The following SMIM31 variants were observed in gnomAD, a reference collection of about 807,000 sequenced individuals.
SMIM31 encodes the protein human epithelial cell program regulator.
At chr4:164,798,745 TC>T (rs1560833747) in intron 2 of SMIM31, among the ~76,000 whole-genome samples, 1 of 151,676 alleles carries the variant, frequency 6.6e-6, no homozygotes, top group Non-Finnish European at 1.5e-5. Context: ...TTGGATGTTG[TC>T]CCCTCTAAAT....
intron 2 of SMIM31, among the ~76,000 whole-genome samples, chr4:164,780,334 G>A (rs1477805664): frequency 6.6e-6 from 1 of 152,206 alleles, no homozygotes; most frequent in Non-Finnish European, 1.5e-5. Context: ...GGCTGAGGCA[G>A]GAGAACTGCT....
chr4:164,780,296 G>A (rs1199433357), intron 2 of SMIM31, among the ~76,000 whole-genome samples: 2 of 152,120 alleles, frequency 1.3e-5, no homozygotes, highest in East Asian at 1.9e-4. Flanking sequence ...GCGTGGTGGC[G>A]CATGCCTGTA....
At chr4:164,794,252 G>A (rs1733146108) in intron 2 of SMIM31, among the ~76,000 whole-genome samples, 1 of 152,064 alleles carries the variant, frequency 6.6e-6, no homozygotes, top group Admixed American at 6.6e-5. Flanking sequence ...AGTGGTGCAC[G>A]CCTGTAGTTC....
At chr4:164,765,624 G>GAAA (rs200574845) in intron 1 of SMIM31, among the ~76,000 whole-genome samples, 1,192 of 94,482 alleles carry the variant, frequency 0.013, 6 homozygotes, top group Middle Eastern at 0.026. Context: ...CTTTGTCTCA[G>GAAA]AAAAAAAAAA....
At chr4:164,776,325 T>C (rs1045032566) in intron 2 of SMIM31, among the ~76,000 whole-genome samples, 3 of 152,190 alleles carry the variant, frequency 2.0e-5, no homozygotes, top group Non-Finnish European at 4.4e-5. Context: ...AATAATGAAC[T>C]AGAGTTCCAT....
chr4:164,800,417 G>A (rs775641940), intron 2 of SMIM31, among the ~76,000 whole-genome samples: 4 of 151,924 alleles, frequency 2.6e-5, no homozygotes, highest in Non-Finnish European at 4.4e-5. Context: ...CCTGTTGGCC[G>A]GGCTGGTTTT....
At chr4:164,781,666 G>A (rs146255166) in intron 2 of SMIM31, among the ~76,000 whole-genome samples, 21 of 152,224 alleles carry the variant, frequency 1.4e-4, no homozygotes, top group African/African-American at 5.1e-4. Flanking sequence ...CCACCTCGTT[G>A]TGGCAACCGA....
chr4:164,766,758 A>C (rs527343358), intron 1 of SMIM31, among the ~76,000 whole-genome samples: 3 of 151,774 alleles, frequency 2.0e-5, no homozygotes, highest in African/African-American at 7.3e-5. Flanking sequence ...AGATCGTGCC[A>C]CTGCACTCCA....
chr4:164,770,454 C>G lies in SMIM31; in HGVS notation c.11C>G (p.Pro4Arg). The change falls in exon 2 of 3, where the codon CCC (proline) becomes CGC (arginine). Residue 4 changes from proline (P) to arginine (R), a missense_variant. Physicochemically the swap from Pro to Arg is moderately radical, Grantham distance 103. Transcript: ENST00000507311. ...TTTCGGTGGTGGTTCATGGAGCTTC[C>G]CTACACCAACTTGGAAATGGCATTC... MEL[P>R]YTNLEMAFIL... 1 of 398,910 alleles carries G rather than the reference C, an allele frequency of 2.5e-6. No individual in the cohort carries two copies. Among genetic ancestry groups the G allele is most frequent in the Non-Finnish European group, 4.4e-6 (1 of 226,048 alleles). The allele number at this position is 398,910 out of a possible 1,614,324, so 24.7% of individuals were successfully genotyped here. A position where few individuals can be genotyped will look rare whatever the true frequency, so the allele number is the denominator to read the frequency against.
At chr4:164,756,166 T>G (rs1732557894) in intron 1 of SMIM31, among the ~76,000 whole-genome samples, 1 of 152,184 alleles carries the variant, frequency 6.6e-6, no homozygotes, top group Non-Finnish European at 1.5e-5. Flanking sequence ...TCAATGAATT[T>G]TAATGGATAT....
chr4:164,789,730 T>G (rs1486753422), intron 2 of SMIM31, among the ~76,000 whole-genome samples: 1 of 152,188 alleles, frequency 6.6e-6, no homozygotes, highest in African/African-American at 2.4e-5. Flanking sequence ...CACAGTGCAT[T>G]TCTGCAACTC....
chr4:164,797,922 T>G (rs1452191899), intron 2 of SMIM31, among the ~76,000 whole-genome samples: 1 of 152,182 alleles, frequency 6.6e-6, no homozygotes, highest in Non-Finnish European at 1.5e-5. Flanking sequence ...TGTCTATTAC[T>G]CCACTCTGAA....
intron 2 of SMIM31, among the ~76,000 whole-genome samples, chr4:164,778,219 C>T (rs1732902724): frequency 6.6e-6 from 1 of 152,168 alleles, no homozygotes; most frequent in South Asian, 2.1e-4. Flanking sequence ...GAGACCTCAT[C>T]TCTATTTAAA....
In SMIM31 at chr4:164,754,285, C is replaced by T. The variant is rs1249970825; in HGVS notation, c.-152C>T. 1 of 152,062 alleles carries T rather than the reference C, an allele frequency of 6.6e-6. No individual in the cohort carries two copies. The highest frequency in any genetic ancestry group is 2.4e-5 in the African/African-American group (1 of 41,406). 9.4% of individuals were successfully genotyped at this position (152,062 alleles called of 1,614,324 possible). ...TGCCTACATTTTCATGGCCTGGTAG[C>T]GTTCAGTGAAAATGTTCATTAACAG... On this transcript the variant is annotated 5_prime_UTR_variant, in exon 1 of 3. Coordinates refer to ENST00000507311, the MANE Select transcript of SMIM31 (RefSeq NM_001352885.1).
intron 2 of SMIM31, among the ~76,000 whole-genome samples, chr4:164,799,543 G>T (rs1400640147): frequency 6.6e-6 from 1 of 152,074 alleles, no homozygotes; most frequent in African/African-American, 2.4e-5. Flanking sequence ...AAAAACAGGA[G>T]GAATTCCTCC....
chr4:164,782,530 C>T (rs113448769), intron 2 of SMIM31, among the ~76,000 whole-genome samples: 10 of 150,094 alleles, frequency 6.7e-5, no homozygotes, highest in African/African-American at 2.2e-4. Flanking sequence ...AGGCGCCCCC[C>T]ACCACGCCCG....
intron 2 of SMIM31, among the ~76,000 whole-genome samples, chr4:164,787,564 A>G (rs1261624316): frequency 6.7e-6 from 1 of 149,358 alleles, no homozygotes; most frequent in Non-Finnish European, 1.5e-5. Flanking sequence ...TAAAGCTAAA[A>G]CTAGTGGATA....
chr4:164,762,519 C>T (rs1295991191), intron 1 of SMIM31, among the ~76,000 whole-genome samples: 1 of 151,876 alleles, frequency 6.6e-6, no homozygotes, highest in Non-Finnish European at 1.5e-5. Flanking sequence ...GAGTTTAAGA[C>T]CAGCCTGGGC....
At chr4:164,758,129 T>C (rs964349069) in intron 1 of SMIM31, among the ~76,000 whole-genome samples, 2 of 152,250 alleles carry the variant, frequency 1.3e-5, no homozygotes, top group Admixed American at 1.3e-4. Context: ...TAATTTATTT[T>C]TAAATTGTTG....
Sources: allele counts gnomAD v4.1 joint callset (sites outside exome capture counted in the v4.1 genomes callset), GRCh38; gene constraint gnomAD v4.1.1; transcripts MANE v1.5; gene names NCBI Gene and HGNC (gene_info 2026-07-23, HGNC 2026-07-21).